Variants in GLCCI1 observed in about 807,000 individuals in gnomAD.
The protein encoded by GLCCI1 is glucocorticoid-induced transcript 1 protein.
GLCCI1 carries 24 observed loss-of-function variants against 52.2 expected under a neutral mutation model. The ratio of observed to expected loss-of-function variants is 0.46; its 90% CI spans 0.33 to 0.65. The LOEUF (loss-of-function observed/expected upper bound fraction) is 0.65, where lower values mean the gene tolerates loss of function less well. Ranked by LOEUF, GLCCI1 falls within the 30% of genes least tolerant of loss-of-function variation. The pLI is 0.02. For missense variants in GLCCI1, 704 were observed against 701.5 expected (o/e 1.00, Z -0.04); for synonymous variants, 310 against 276.5 (o/e 1.12, Z -1.20).
intron 3 of GLCCI1, among the ~76,000 whole-genome samples, chr7:8,030,438 C>A (rs1176683645): frequency 6.6e-6 from 1 of 152,004 alleles, no homozygotes; most frequent in East Asian, 1.9e-4. Context: ...GAAACTACTA[C>A]AAGAAACCAT....
chr7:8,026,783 T>C (rs955926194), intron 3 of GLCCI1, among the ~76,000 whole-genome samples: 7 of 152,220 alleles, frequency 4.6e-5, no homozygotes, highest in African/African-American at 1.7e-4. Context: ...GAACTTTTTA[T>C]TGGCAAGCTT....
At chr7:7,972,977 T>A (rs1448204476) in intron 1 of GLCCI1, among the ~76,000 whole-genome samples, 2 of 152,192 alleles carry the variant, frequency 1.3e-5, no homozygotes, top group African/African-American at 4.8e-5. Flanking sequence ...CTTTTGTATT[T>A]TTAAAACTTC....
intron 1 of GLCCI1, among the ~76,000 whole-genome samples, chr7:7,974,744 A>G (rs918913290): frequency 2.6e-5 from 4 of 152,152 alleles, no homozygotes; most frequent in African/African-American, 9.6e-5. Context: ...AATCTGCCAA[A>G]GAGTATAGTC....
At chr7:8,075,559 C>T (rs1782859566) in intron 6 of GLCCI1, among the ~76,000 whole-genome samples, 1 of 152,220 alleles carries the variant, frequency 6.6e-6, no homozygotes, top group Admixed American at 6.5e-5. Context: ...ATATTAGTTT[C>T]TTAAGCAGCT....
At chr7:8,022,027 C>T (rs781621942) in intron 2 of GLCCI1, among the ~76,000 whole-genome samples, 97 of 152,104 alleles carry the variant, frequency 6.4e-4, no homozygotes, top group Non-Finnish European at 1.3e-3. Context: ...CTTCCCCAAG[C>T]ACAGAAAAAG....
intron 3 of GLCCI1, among the ~76,000 whole-genome samples, chr7:8,040,228 A>G (rs1781969141): frequency 6.6e-6 from 1 of 152,076 alleles, no homozygotes. Context: ...GCCCACAACT[A>G]TAATCCCAGC....
chr7:8,064,044 A>T (rs1187100675), intron 5 of GLCCI1, among the ~76,000 whole-genome samples: 2 of 152,104 alleles, frequency 1.3e-5, no homozygotes, highest in East Asian at 1.9e-4. Flanking sequence ...TTCTCCCATT[A>T]TGTAGGTTGT....
At chr7:7,974,702 C>T (rs2115401396) in intron 1 of GLCCI1, among the ~76,000 whole-genome samples, 1 of 152,232 alleles carries the variant, frequency 6.6e-6, no homozygotes, top group Admixed American at 6.5e-5. Flanking sequence ...TTCTAAAAGT[C>T]TGTTTTATTA....
chr7:8,018,623 T>C lies in GLCCI1; in HGVS notation c.610-3860T>C, dbSNP rs187373403. Reference sequence around the variant, plus strand: ...GAAAGAAATTTCATAGTCTGGACTTTGGAGACTTCCAGGGAGTGAGAATAG... The same window carrying C: ...GAAAGAAATTTCATAGTCTGGACTTCGGAGACTTCCAGGGAGTGAGAATAG... On this transcript the variant is annotated intron_variant, in intron 2 of 7. Coordinates refer to ENST00000223145, the MANE Select transcript of GLCCI1 (RefSeq NM_138426.4). Among the ~76,000 whole-genome samples, 220 of 152,274 alleles carry C rather than the reference T, an allele frequency of 1.4e-3. 3 individuals are homozygous for C. Among genetic ancestry groups the C allele is most frequent in the Non-Finnish European group, 2.5e-3 (172 of 67,992 alleles).
At chr7:7,988,278 TTTTTGTTTTG>T (rs565331454) in intron 1 of GLCCI1, among the ~76,000 whole-genome samples, 9 of 151,804 alleles carry the variant, frequency 5.9e-5, no homozygotes, top group South Asian at 2.1e-4. Context: ...TGAGCAGAGT[TTTTTGTTTTG>T]TTTTGTTTTG....
intron 4 of GLCCI1, among the ~76,000 whole-genome samples, chr7:8,057,833 C>T (rs1181379720): frequency 6.6e-6 from 1 of 152,116 alleles, no homozygotes; most frequent in Non-Finnish European, 1.5e-5. Context: ...AATGCTTACA[C>T]AATTGTTCAA....
At chr7:8,080,038 T>A (rs1488191148) in intron 6 of GLCCI1, among the ~76,000 whole-genome samples, 1 of 151,468 alleles carries the variant, frequency 6.6e-6, no homozygotes, top group East Asian at 1.9e-4. Context: ...TTCTCCTTAC[T>A]TCTAAGTTTC....
At chr7:8,005,282 T>TA (rs1016142032) in intron 2 of GLCCI1, among the ~76,000 whole-genome samples, 1 of 151,886 alleles carries the variant, frequency 6.6e-6, no homozygotes, top group Admixed American at 6.6e-5. Flanking sequence ...GAAAAAAATT[T>TA]AAAAAAATGT....
chr7:8,040,716 A>G (rs1026092411), intron 3 of GLCCI1, among the ~76,000 whole-genome samples: 3 of 152,184 alleles, frequency 2.0e-5, no homozygotes, highest in African/African-American at 4.8e-5. Context: ...TTAGCATACA[A>G]CCCAACAATT....
At chr7:8,029,059 C>T (rs1781689487) in intron 3 of GLCCI1, among the ~76,000 whole-genome samples, 1 of 152,016 alleles carries the variant, frequency 6.6e-6, no homozygotes, top group Non-Finnish European at 1.5e-5. Context: ...TAAAGCTTTT[C>T]CAAAAAATGG....
intron 1 of GLCCI1, among the ~76,000 whole-genome samples, chr7:7,984,227 A>G (rs1306630763): frequency 6.6e-6 from 1 of 152,132 alleles, no homozygotes; most frequent in East Asian, 1.9e-4. Context: ...CACCTGGCTA[A>G]TTTTTTAATT....
At chr7:8,083,628 T>G (rs528076231) in intron 6 of GLCCI1, among the ~76,000 whole-genome samples, 144 of 150,886 alleles carry the variant, frequency 9.5e-4, no homozygotes, top group African/African-American at 3.4e-3. Flanking sequence ...CAAGAGGCTC[T>G]TTGGTGCCTA....
chr7:8,056,683 C>T (rs1782405690), intron 4 of GLCCI1, among the ~76,000 whole-genome samples: 1 of 152,028 alleles, frequency 6.6e-6, no homozygotes, highest in Non-Finnish European at 1.5e-5. Flanking sequence ...ATCAGAAAAC[C>T]AAAGTAGAAA....
Position 7,982,031 on chromosome 7 carries a change from T to C in GLCCI1, c.457+12224T>C, listed in dbSNP as rs73674758. 3.6e-3 allele frequency: 1,609 copies of C among 448,154 alleles called. 20 individuals carry two copies. Among genetic ancestry groups the C allele is most frequent in the African/African-American group, 0.029 (1,427 of 48,574 alleles). 27.8% of individuals were successfully genotyped at this position (448,154 alleles called of 1,614,324 possible). ...TGGTCACTACGAAGAAGAAGAAAGC[T>C]GTTGGGAGAAATGAAAGAGTAAAAA... On this transcript the variant is annotated intron_variant, in intron 1 of 7. Transcript: ENST00000223145.
Sources: gnomAD v4.1 joint callset for allele counts (sites outside exome capture counted in the v4.1 genomes callset) on GRCh38, gnomAD v4.1.1 for gene constraint, MANE v1.5 for transcripts, NCBI Gene and HGNC (gene_info 2026-07-23, HGNC 2026-07-21) for gene names.